Variants in DIPK2B observed in about 807,000 individuals in gnomAD.
DIPK2B encodes the protein divergent protein kinase domain 2B, also known as UPF0672 protein CXorf36.
Under a neutral mutation model 22.2 loss-of-function variants are expected in DIPK2B, and 15 were observed. That is an observed-to-expected ratio of 0.68 (90% CI 0.45 to 1.04). DIPK2B has a LOEUF of 1.04. Among genes scored for constraint, DIPK2B ranks in the 50% least tolerant of loss-of-function variants. The probability of loss-of-function intolerance (pLI) is 0.00; values close to 1 mark genes in which losing one functional copy is unlikely to be tolerated. For missense variants in DIPK2B, 345 were observed against 348.3 expected (o/e 0.99, Z 0.08); for synonymous variants, 163 against 153.2 (o/e 1.06, Z -0.47).
In DIPK2B at chrX:45,148,725, G is replaced by A. The variant is rs1354855386; in HGVS notation, c.*2927C>T. On this transcript the variant is annotated 3_prime_UTR_variant, in exon 5 of 5. Coordinates refer to ENST00000398000, the MANE Select transcript of DIPK2B (RefSeq NM_176819.4). ...ATCACATTTCAACATGAGATTTGGA[G>A]GGGACAAACATCCAAACCATATCAC... is the stretch of plus-strand genomic sequence containing the variant. 1.8e-5 allele frequency: 2 copies of A among 112,571 alleles called. No individual in the cohort carries two copies. The highest frequency in any genetic ancestry group is 3.7e-5 in the Non-Finnish European group (2 of 54,083). The allele number at this position is 112,571 out of a possible 1,213,427, so 9.3% of individuals were successfully genotyped here.
At chrX:45,155,961 CTT>C (rs757375184) in intron 3 of DIPK2B, among the ~76,000 whole-genome samples, 35 of 55,254 alleles carry the variant, frequency 6.3e-4, no homozygotes, top group South Asian at 1.4e-3. Flanking sequence ...AAGGGGACCT[CTT>C]TTTTTTTTTT....
rs191594143 is a variant in DIPK2B at position 45,156,301 on chromosome X, G to A, written c.672+1414C>T. Among the ~76,000 whole-genome samples the A allele has an allele frequency of 2.0e-3, 223 of 110,953 alleles. 1 individual carries two copies. Among genetic ancestry groups the A allele is most frequent in the African/African-American group, 7.0e-3 (213 of 30,528 alleles). Reference sequence around the variant, plus strand: ...GGGGACCTTTCTTACTGTGTACCGCGGAGGGAAGTCCTGGGCCTACTGTCG... The same window carrying A: ...GGGGACCTTTCTTACTGTGTACCGCAGAGGGAAGTCCTGGGCCTACTGTCG... On this transcript the variant is annotated intron_variant, in intron 3 of 4. Coordinates refer to ENST00000398000, the MANE Select transcript of DIPK2B (RefSeq NM_176819.4).
chrX:45,175,472 G>A (rs2047111893), intron 2 of DIPK2B, among the ~76,000 whole-genome samples: 1 of 108,328 alleles, frequency 9.2e-6, no homozygotes, highest in Non-Finnish European at 1.9e-5. Flanking sequence ...CTAGAAAAAA[G>A]ACTAGAAGAA....
chrX:45,154,130 G>A lies in DIPK2B; in HGVS notation c.741C>T (p.Ser247=), dbSNP rs140853203. ...ATTCCTGCAGCGGTCTGGTGCTGGT[G>A]CTGACGAGGAATCTGCCACAGGAGC... ...YLGSCGRFLV[S]TSTRPLQEFY... The change falls in exon 4 of 5, where the codon AGC becomes AGT. Residue 247 remains serine, a synonymous_variant. Transcript: ENST00000398000. 5,389 of 1,208,412 alleles carry A rather than the reference G, an allele frequency of 4.5e-3. 67 individuals are homozygous for A. The South Asian group carries it at 0.054, about 12-fold the overall frequency.
At chrX:45,180,452 A>G (rs1299371684) in intron 2 of DIPK2B, among the ~76,000 whole-genome samples, 1 of 111,930 alleles carries the variant, frequency 8.9e-6, no homozygotes, top group Non-Finnish European at 1.9e-5. Context: ...TGATTATGCT[A>G]CTATCACCAC....
intron 2 of DIPK2B, among the ~76,000 whole-genome samples, chrX:45,170,328 A>C (rs1320518774): frequency 9.1e-6 from 1 of 110,132 alleles, no homozygotes; most frequent in Non-Finnish European, 1.9e-5. Flanking sequence ...ACTGTGGCCC[A>C]GGGACAGGTG....
At chrX:45,189,044 A>G (rs1028177735) in intron 2 of DIPK2B, among the ~76,000 whole-genome samples, 1 of 111,955 alleles carries the variant, frequency 8.9e-6, no homozygotes. Flanking sequence ...TAGTGCTGCT[A>G]TGAGCATTCA....
chrX:45,198,764 T>C (rs767328645), intron 1 of DIPK2B, among the ~76,000 whole-genome samples: 1 of 111,838 alleles, frequency 8.9e-6, no homozygotes, highest in African/African-American at 3.3e-5. Flanking sequence ...TTGCTTCACC[T>C]GTGTTCTTGG....
rs780169806 is a variant in DIPK2B at position 45,173,868 on chromosome X, G to T, written c.499-15980C>A. 4.7e-4 allele frequency among the ~76,000 whole-genome samples: 52 copies of T among 111,210 alleles called. 1 individual carries two copies. Among genetic ancestry groups the T allele is most frequent in the Admixed American group, 4.5e-3 (47 of 10,507 alleles). ...TAACAGGTGTGAGCCACTGTGCTGG[G>T]CCTGAACCTCCTTTCTATCTCCCAT... On this transcript the variant is annotated intron_variant, in intron 2 of 4. Coordinates refer to ENST00000398000, the MANE Select transcript of DIPK2B (RefSeq NM_176819.4).
At chrX:45,196,853 T>G (rs1264214655) in intron 1 of DIPK2B, among the ~76,000 whole-genome samples, 2 of 112,189 alleles carry the variant, frequency 1.8e-5, no homozygotes, top group Admixed American at 9.5e-5. Context: ...CCTTAACTTT[T>G]CATTCAGGAT....
chrX:45,167,819 G>C (rs904023056), intron 2 of DIPK2B, among the ~76,000 whole-genome samples: 3 of 111,732 alleles, frequency 2.7e-5, no homozygotes, highest in Non-Finnish European at 5.6e-5. Context: ...CGACTAGCTA[G>C]GATTACAGGC....
intron 2 of DIPK2B, among the ~76,000 whole-genome samples, chrX:45,178,962 A>G (rs2047134004): frequency 9.0e-6 from 1 of 111,669 alleles, no homozygotes; most frequent in African/African-American, 3.3e-5. Context: ...AGCAGGGACC[A>G]TGTCTTAGGA....
At chrX:45,153,474 T>TAGTG (rs778708679) in intron 4 of DIPK2B, among the ~76,000 whole-genome samples, 54 of 73,862 alleles carry the variant, frequency 7.3e-4, no homozygotes, top group African/African-American at 2.6e-3. Flanking sequence ...CCCAAAAGTT[T>TAGTG]TGTGTGTGTG....
At chrX:45,159,635 C>G (rs2047012520) in intron 2 of DIPK2B, among the ~76,000 whole-genome samples, 1 of 111,089 alleles carries the variant, frequency 9.0e-6, no homozygotes. Flanking sequence ...CGGGGTGTCT[C>G]TCAGCTGGGA....
intron 3 of DIPK2B, among the ~76,000 whole-genome samples, chrX:45,155,055 A>G (rs1053611991): frequency 8.9e-5 from 10 of 112,703 alleles, no homozygotes; most frequent in African/African-American, 3.2e-4. Flanking sequence ...TGGGAGGCCG[A>G]CGCAGGTGGA....
intron 2 of DIPK2B, among the ~76,000 whole-genome samples, chrX:45,175,175 T>C (rs760989108): frequency 8.9e-6 from 1 of 111,864 alleles, no homozygotes; most frequent in Non-Finnish European, 1.9e-5. Flanking sequence ...CCATAGAAAG[T>C]AGCAGGTATG....
rs186871207 is a variant in DIPK2B, at chrX:45,160,897, T to C, written c.499-3009A>G. ...AGATTCAGAGGAGTGTGGCCAATACTGCTAGTTATTAGCCCCTGCATTTTA... is the reference window on the plus strand; with the variant it reads ...AGATTCAGAGGAGTGTGGCCAATACCGCTAGTTATTAGCCCCTGCATTTTA... On this transcript the variant is annotated intron_variant, in intron 2 of 4. Transcript: ENST00000398000. 8.4e-4 allele frequency among the ~76,000 whole-genome samples: 94 copies of C among 112,460 alleles called. 1 individual carries two copies. The East Asian group carries it at 0.026, about 31-fold the overall frequency.
At chrX:45,191,641 A>G in intron 2 of DIPK2B, 110 bp downstream of exon 2, 1 of 959,053 alleles carries the variant, frequency 1.0e-6, no homozygotes, top group South Asian at 2.3e-5. Context: ...CACTTCAGAC[A>G]GACCACAGCT....
At chrX:45,167,771 G>A (rs1168459187) in intron 2 of DIPK2B, among the ~76,000 whole-genome samples, 6 of 110,716 alleles carry the variant, frequency 5.4e-5, no homozygotes, top group Admixed American at 3.8e-4. Context: ...TGCAACCTCC[G>A]CCTCCTGGGT....
Sources: gnomAD v4.1 joint callset for allele counts (sites outside exome capture counted in the v4.1 genomes callset) on GRCh38, gnomAD v4.1.1 for gene constraint, MANE v1.5 for transcripts, NCBI Gene and HGNC (gene_info 2026-07-23, HGNC 2026-07-21) for gene names.